FAM162A: variants seen among roughly 807,000 people sequenced by gnomAD.
FAM162A encodes the protein family with sequence similarity 162 member A, also known as protein FAM162A.
Under a neutral mutation model 21.8 loss-of-function variants are expected in FAM162A, and 23 were observed. The observed-to-expected ratio is 1.05, with a 90% CI of 0.76 to 1.49. The LOEUF is 1.49. FAM162A is among the 40% of genes most tolerant of loss of function. The pLI, the probability that FAM162A is intolerant of heterozygous loss-of-function variation, is 0.00. For missense variants in FAM162A, 165 were observed against 186.4 expected (o/e 0.89, Z 0.67); for synonymous variants, 53 against 61.3 (o/e 0.86, Z 0.64).
At chr3:122,402,702 G>T in intron 1 of FAM162A, 58 bp from the exon 2 acceptor site, 3 of 1,444,200 alleles carry the variant, frequency 2.1e-6, no homozygotes, top group East Asian at 2.4e-5. Flanking sequence ...TTCTTATTTT[G>T]AGAAAACATC....
chr3:122,392,160 T>C (rs2075606880), intron 1 of FAM162A, among the ~76,000 whole-genome samples: 1 of 152,380 alleles, frequency 6.6e-6, no homozygotes, highest in South Asian at 2.1e-4. Context: ...GTTTGTCTTC[T>C]GTTCTCCTAA....
At chr3:122,394,363 T>C (rs1238605944) in intron 1 of FAM162A, among the ~76,000 whole-genome samples, 1 of 152,140 alleles carries the variant, frequency 6.6e-6, no homozygotes, top group Non-Finnish European at 1.5e-5. Flanking sequence ...GTAGAAGACA[T>C]GCCCCAACAT....
Position 122,409,836 on chromosome 3 carries a change from G to A in FAM162A, c.*5G>A, listed in dbSNP as rs1400404773. 16 of 1,612,746 alleles carry A rather than the reference G, an allele frequency of 9.9e-6. No homozygotes were observed. The highest frequency in any genetic ancestry group is 1.4e-5 in the Non-Finnish European group (16 of 1,178,902). On this transcript the variant is annotated 3_prime_UTR_variant, in exon 5 of 5. Transcript: ENST00000477892. ...ATGAAGGCCAAAACAGAGTAGCAGA[G>A]GTATCCGTGTTGGCTGGATTTTGAA...
chr3:122,408,391 A>C (rs2075686495), intron 4 of FAM162A, among the ~76,000 whole-genome samples: 1 of 152,202 alleles, frequency 6.6e-6, no homozygotes, highest in Admixed American at 6.5e-5. Flanking sequence ...TCCATGTGGA[A>C]AGTGATGTCT....
In FAM162A at chr3:122,402,826, T is replaced by G; in HGVS notation, c.101T>G (p.Leu34Trp). 6.2e-7 allele frequency: 1 copy of G among 1,604,786 alleles called. No homozygotes were observed. Among genetic ancestry groups the G allele is most frequent in the South Asian group, 1.1e-5 (1 of 88,318 alleles). ...SSLRLTRSSD[L>W]KRINGFCTKP... ...CTAAGGCTTACCAGAAGCTCTGATT[T>G]GAAGAGAATAAATGGATTTTGCACA... Residue 34 changes from leucine (L) to tryptophan (W), a missense_variant, in exon 2 of 5, where the codon TTG (leucine) becomes TGG (tryptophan). Physicochemically the swap from Leu to Trp is moderately conservative, Grantham distance 61. Coordinates refer to ENST00000477892, the MANE Select transcript of FAM162A (RefSeq NM_014367.4).
chr3:122,402,302 T>C (rs988291219), intron 1 of FAM162A, among the ~76,000 whole-genome samples: 2 of 152,064 alleles, frequency 1.3e-5, no homozygotes, highest in South Asian at 2.1e-4. Context: ...TAAGGACTTG[T>C]GGCTTGCAAG....
At position 122,409,771 on chromosome 3, in the gene FAM162A, G is replaced by A. The variant is rs764846914; in HGVS notation, c.405G>A (p.Leu135=). 1 of 1,614,020 alleles carries A rather than the reference G, an allele frequency of 6.2e-7. No individual in the cohort carries two copies. Among genetic ancestry groups the A allele is most frequent in the Admixed American group, 1.7e-5 (1 of 60,012 alleles). The change falls in exon 5 of 5, where the codon TTG becomes TTA. Residue 135 remains leucine (L), a synonymous_variant. Transcript: ENST00000477892. ...AAAGACACGAGACTTTAACAAGCTT[G>A]AACTTAGAAAAGAAAGCTCGTCTGA... The part of the protein sequence containing the change: ...AAQRHETLTS[L]NLEKKARLKE...
chr3:122,409,649 CCT>C, intron 4 of FAM162A, 88 bp from the exon 5 acceptor site: 1 of 1,094,046 alleles, frequency 9.1e-7, no homozygotes, highest in East Asian at 2.4e-5. Context: ...TGCCTCCATG[CCT>C]CTGTTAACCT....
chr3:122,397,996 C>T (rs997626930), intron 1 of FAM162A, among the ~76,000 whole-genome samples: 1 of 152,276 alleles, frequency 6.6e-6, no homozygotes, highest in South Asian at 2.1e-4. Flanking sequence ...TCAATGACCA[C>T]TGATGATGTG....
At chr3:122,385,578 A>G (rs919147043) in intron 1 of FAM162A, among the ~76,000 whole-genome samples, 9 of 152,230 alleles carry the variant, frequency 5.9e-5, no homozygotes, top group African/African-American at 9.6e-5. Flanking sequence ...TACTGAGTAT[A>G]TTGTAAGTAG....
intron 1 of FAM162A, among the ~76,000 whole-genome samples, chr3:122,385,048 T>C (rs1458422337): frequency 6.6e-6 from 1 of 152,178 alleles, no homozygotes; most frequent in South Asian, 2.1e-4. Context: ...TTGACTCTTT[T>C]CTGGGTACCA....
chr3:122,395,601 G>T (rs747116131), intron 1 of FAM162A, among the ~76,000 whole-genome samples: 84 of 152,138 alleles, frequency 5.5e-4, no homozygotes, highest in Non-Finnish European at 1.1e-3. Context: ...TTTTAAGATG[G>T]AAGAATTCCT....
At chr3:122,390,347 C>T (rs983947560) in intron 1 of FAM162A, among the ~76,000 whole-genome samples, 12 of 151,992 alleles carry the variant, frequency 7.9e-5, no homozygotes, top group Non-Finnish European at 1.8e-4. Flanking sequence ...TCACAAAGCC[C>T]AGGTCAACAG....
Position 122,384,186 on chromosome 3 carries a change from C to T in FAM162A, c.-80C>T, listed in dbSNP as rs2075560647. ...GGCGCCGCCTGCGTCCTTCCCACTC[C>T]AACGCTGGGTGACATTGAGCTCACC... On this transcript the variant is annotated 5_prime_UTR_variant, in exon 1 of 5. Transcript: ENST00000477892. The T allele has an allele frequency of 5.2e-6, 8 of 1,537,730 alleles. No homozygotes were observed. Among genetic ancestry groups the T allele is most frequent in the Non-Finnish European group, 7.0e-6 (8 of 1,136,692 alleles).
intron 3 of FAM162A, 85 bp from the exon 4 acceptor site, chr3:122,407,196 G>T: frequency 1.8e-6 from 2 of 1,088,992 alleles, no homozygotes; most frequent in Admixed American, 2.3e-5. Context: ...ACTACATTTT[G>T]AATTTATACA....
intron 1 of FAM162A, among the ~76,000 whole-genome samples, chr3:122,398,799 T>A (rs2075640493): frequency 6.6e-6 from 1 of 152,198 alleles, no homozygotes. Context: ...CATTTAAAAA[T>A]TATATTAGTA....
At chr3:122,389,456 T>G (rs181020441) in intron 1 of FAM162A, among the ~76,000 whole-genome samples, 2 of 151,154 alleles carry the variant, frequency 1.3e-5, no homozygotes, top group African/African-American at 4.8e-5. Context: ...AGATGGAAAC[T>G]TAAAGGGGTT....
At chr3:122,392,541 G>A (rs2075608189) in intron 1 of FAM162A, among the ~76,000 whole-genome samples, 1 of 152,176 alleles carries the variant, frequency 6.6e-6, no homozygotes. Context: ...GGTTCTCAAA[G>A]TATAGTCCAG....
At chr3:122,397,617 A>T in intron 1 of FAM162A, among the ~76,000 whole-genome samples, 1 of 152,236 alleles carries the variant, frequency 6.6e-6, no homozygotes, top group Non-Finnish European at 1.5e-5. Context: ...CCTGTACCAG[A>T]CCTGGCCTCA....
Sources: allele counts gnomAD v4.1 joint callset (sites outside exome capture counted in the v4.1 genomes callset), GRCh38; gene constraint gnomAD v4.1.1; transcripts MANE v1.5; gene names NCBI Gene and HGNC (gene_info 2026-07-23, HGNC 2026-07-21).